Variants in KCTD9 observed in about 807,000 individuals in gnomAD.
KCTD9 encodes the protein BTB/POZ domain-containing protein KCTD9.
A neutral mutation model predicts 53.3 loss-of-function variants in KCTD9; 17 were observed. The ratio of observed to expected loss-of-function variants is 0.32; its 90% CI spans 0.22 to 0.48. The LOEUF is 0.48. Among genes scored for constraint, KCTD9 ranks in the 20% least tolerant of loss-of-function variants. KCTD9 has a pLI of 0.99. For synonymous variants in KCTD9, 128 were observed against 162.7 expected (o/e 0.79, Z 1.62); for missense variants, 179 against 465.5 (o/e 0.38, Z 5.66).
intron 8 of KCTD9, among the ~76,000 whole-genome samples, chr8:25,435,936 A>G (rs1802008050): frequency 6.6e-6 from 1 of 152,242 alleles, no homozygotes; most frequent in South Asian, 2.1e-4. Flanking sequence ...AGTACCTGCC[A>G]CTGATCAGCC....
chr8:25,440,738 G>T (rs1802106869), intron 3 of KCTD9, 65 bp from the exon 4 acceptor site: 2 of 1,161,244 alleles, frequency 1.7e-6, no homozygotes, highest in African/African-American at 1.5e-5. Flanking sequence ...GATGGTAATG[G>T]CATAATTTTT....
chr8:25,457,247 T>G, intron 1 of KCTD9: 2 of 405,202 alleles, frequency 4.9e-6, no homozygotes, highest in Non-Finnish European at 6.7e-6. Context: ...TCCCCGAATG[T>G]GCAGGCAGCA....
chr8:25,437,761 T>G (rs1802044793), intron 6 of KCTD9, among the ~76,000 whole-genome samples: 1 of 139,744 alleles, frequency 7.2e-6, no homozygotes, highest in Admixed American at 8.1e-5. Flanking sequence ...GGCAGGAGAA[T>G]CACTTGAACC....
intron 9 of KCTD9, among the ~76,000 whole-genome samples, chr8:25,433,805 A>G (rs1165503332): frequency 3.3e-5 from 5 of 152,216 alleles, no homozygotes; most frequent in Non-Finnish European, 4.4e-5. Context: ...ATGTATGGGT[A>G]AGGAAGGCAT....
intron 3 of KCTD9, among the ~76,000 whole-genome samples, chr8:25,443,425 G>T (rs1457694103): frequency 1.3e-5 from 2 of 152,054 alleles, no homozygotes; most frequent in African/African-American, 2.4e-5. Flanking sequence ...TAAATGCAGA[G>T]GATGAAAATA....
At chr8:25,447,980 T>C (rs1421622355) in intron 1 of KCTD9, among the ~76,000 whole-genome samples, 1 of 151,696 alleles carries the variant, frequency 6.6e-6, no homozygotes, top group East Asian at 1.9e-4. Context: ...ATACAAAAAG[T>C]AGCCAAGCAT....
chr8:25,430,844 A>T (rs55994273), intron 11 of KCTD9, among the ~76,000 whole-genome samples: 145 of 124,986 alleles, frequency 1.2e-3, no homozygotes, highest in African/African-American at 4.2e-3. Flanking sequence ...CACACACACA[A>T]TTTTTTTTTT....
intron 1 of KCTD9, among the ~76,000 whole-genome samples, chr8:25,451,818 T>C (rs1250931118): frequency 6.6e-6 from 1 of 152,198 alleles, no homozygotes; most frequent in East Asian, 1.9e-4. Flanking sequence ...TTTTCTTTTA[T>C]ACCCACAAGA....
intron 9 of KCTD9, 130 bp downstream of exon 9, chr8:25,435,233 A>G (rs1374663788): frequency 8.7e-6 from 5 of 576,066 alleles, no homozygotes; most frequent in Non-Finnish European, 1.4e-5. Context: ...TTATATCAAC[A>G]TAATAAATTA....
intron 1 of KCTD9, chr8:25,457,303 T>G: frequency 2.1e-6 from 2 of 949,232 alleles, no homozygotes; most frequent in South Asian, 9.7e-5. Flanking sequence ...ACCTTTACCT[T>G]AGACTCGTAA....
intron 11 of KCTD9, 71 bp from the exon 12 acceptor site, chr8:25,430,044 G>C: frequency 1.2e-6 from 1 of 845,612 alleles, no homozygotes; most frequent in South Asian, 1.4e-5. Context: ...TGCTCAAAAT[G>C]ATTTCTGGGG....
chr8:25,453,635 C>G (rs1381938945), intron 1 of KCTD9, among the ~76,000 whole-genome samples: 1 of 141,962 alleles, frequency 7.0e-6, no homozygotes, highest in South Asian at 2.2e-4. Context: ...ACCTGGGCGA[C>G]AGAGTGAGAC....
chr8:25,429,997 T>C (rs758493805), intron 11 of KCTD9, 24 bp from the exon 12 acceptor site: 1 of 1,248,498 alleles, frequency 8.0e-7, no homozygotes, highest in Non-Finnish European at 1.2e-6. Context: ...ACAATATTCA[T>C]GTAATTCATG....
intron 6 of KCTD9, among the ~76,000 whole-genome samples, chr8:25,436,688 AC>A (rs1802023623): frequency 6.6e-6 from 1 of 152,264 alleles, no homozygotes; most frequent in African/African-American, 2.4e-5. Context: ...TTTAAAAAGT[AC>A]AAAAAAGTCA....
intron 6 of KCTD9, among the ~76,000 whole-genome samples, chr8:25,439,031 G>A (rs1448044639): frequency 5.3e-5 from 8 of 152,142 alleles, no homozygotes; most frequent in African/African-American, 1.4e-4. Context: ...AAGTTGATGC[G>A]TATGGCTTAC....
intron 1 of KCTD9, 64 bp downstream of exon 1, chr8:25,458,135 G>A (rs1255907015): frequency 1.4e-6 from 2 of 1,454,102 alleles, no homozygotes; most frequent in Non-Finnish European, 1.9e-6. Flanking sequence ...CCCGCCAGCC[G>A]GTTCCGCACC....
chr8:25,445,946 G>C (rs930423694), intron 2 of KCTD9, 183 bp downstream of exon 2: 2 of 600,130 alleles, frequency 3.3e-6, no homozygotes, highest in Non-Finnish European at 5.6e-6. Flanking sequence ...ATGTACTAAG[G>C]GTTTTCTAGC....
chr8:25,432,867 A>T (rs1801955064), intron 10 of KCTD9, among the ~76,000 whole-genome samples: 1 of 152,232 alleles, frequency 6.6e-6, no homozygotes, highest in South Asian at 2.1e-4. Flanking sequence ...GCACTTTCAT[A>T]ATATGCCTCT....
intron 9 of KCTD9, among the ~76,000 whole-genome samples, chr8:25,434,394 GA>G (rs1467284949): frequency 6.6e-6 from 1 of 152,082 alleles, no homozygotes; most frequent in East Asian, 1.9e-4. Context: ...ACGCAGCCAA[GA>G]GTTTTAAATT....
Sources: allele counts gnomAD v4.1 joint callset (sites outside exome capture counted in the v4.1 genomes callset), GRCh38; gene constraint gnomAD v4.1.1; transcripts MANE v1.5; gene names NCBI Gene and HGNC (gene_info 2026-07-23, HGNC 2026-07-21).